The following FBXL18 variants were observed in gnomAD, a reference collection of about 807,000 sequenced individuals.
FBXL18 encodes the protein F-box and leucine rich repeat protein 18, also known as F-box/LRR-repeat protein 18.
FBXL18 carries 36 observed loss-of-function variants against 46.0 expected under a neutral mutation model. The ratio of observed to expected loss-of-function variants is 0.78; its 90% CI spans 0.60 to 1.03. The LOEUF (loss-of-function observed/expected upper bound fraction) is 1.03, where lower values mean the gene tolerates loss of function less well. Ranked by LOEUF, FBXL18 falls within the 50% of genes least tolerant of loss-of-function variation. The pLI, the probability that FBXL18 is intolerant of heterozygous loss-of-function variation, is 0.00. For missense variants in FBXL18, 977 were observed against 1,004.1 expected, an observed-to-expected ratio of 0.97 and a Z score of 0.36; for synonymous variants, 557 against 465.3, an observed-to-expected ratio of 1.20 and a Z score of -2.54.
chr7:5,491,929 G>A lies in FBXL18; in HGVS notation c.1782-480C>T, dbSNP rs574695329. ...GGGCGGTAATCCGGGAGGCTGGTGT[G>A]GGGGAGGGAGAGGGCGAGAATCTGG... On this transcript the variant is annotated intron_variant, in intron 3 of 4. Transcript: ENST00000382368. Among the ~76,000 whole-genome samples the A allele has an allele frequency of 4.7e-4, 72 of 152,102 alleles. 1 individual carries two copies. Among genetic ancestry groups the A allele is most frequent in the African/African-American group, 1.6e-3 (67 of 41,498 alleles).
chr7:5,463,476 G>A (rs1332085304), intron 4 of FBXL18, among the ~76,000 whole-genome samples: 1 of 151,242 alleles, frequency 6.6e-6, no homozygotes, highest in Non-Finnish European at 1.5e-5. Context: ...AAAATTAGAT[G>A]GGTGTGGTGG....
downstream of FBXL18, among the ~76,000 whole-genome samples, chr7:5,472,106 G>A (rs1783436450): frequency 6.6e-6 from 1 of 152,102 alleles, no homozygotes; most frequent in African/African-American, 2.4e-5. Context: ...AATGAAGCAG[G>A]AGCATCAGCT....
chr7:5,493,891 T>C (rs1413471925), intron 3 of FBXL18, among the ~76,000 whole-genome samples: 1 of 151,938 alleles, frequency 6.6e-6, no homozygotes, highest in Non-Finnish European at 1.5e-5. Context: ...CCCAGCACCT[T>C]GGGAGGCTGA....
chr7:5,484,946 T>C (rs1439441157), intron 4 of FBXL18, among the ~76,000 whole-genome samples: 1 of 151,988 alleles, frequency 6.6e-6, no homozygotes, highest in Non-Finnish European at 1.5e-5. Flanking sequence ...GCCATTATTT[T>C]TTATTTTTTA....
intron 2 of FBXL18, among the ~76,000 whole-genome samples, chr7:5,503,960 T>A (rs1238505267): frequency 6.9e-6 from 1 of 144,086 alleles, no homozygotes; most frequent in Non-Finnish European, 1.5e-5. Context: ...GAGTGAGACC[T>A]CGTTTCAAAA....
chr7:5,512,783 C>T (rs560908611), intron 1 of FBXL18, among the ~76,000 whole-genome samples: 10 of 152,026 alleles, frequency 6.6e-5, no homozygotes, highest in Non-Finnish European at 1.2e-4. Context: ...AATCAAGAAG[C>T]CACTGGGGTC....
chr7:5,512,297 TAAAA>T (rs71004681), intron 1 of FBXL18, among the ~76,000 whole-genome samples: 47 of 85,520 alleles, frequency 5.5e-4, no homozygotes, highest in African/African-American at 1.7e-3. Flanking sequence ...AAGTGTTATT[TAAAA>T]AAAAAAAAAA....
intron 4 of FBXL18, among the ~76,000 whole-genome samples, chr7:5,463,728 ATTTTTTTTTTTTTTTTTTTTTT>A (rs552002078): frequency 1.9e-5 from 1 of 53,010 alleles, no homozygotes; most frequent in African/African-American, 8.0e-5. Flanking sequence ...TTATTTATTT[ATTTTTTTTTTTTTTTTTTTTTT>A]TTTTTTTTGA....
At chr7:5,503,488 G>A (rs1054776765) in intron 2 of FBXL18, among the ~76,000 whole-genome samples, 1 of 151,970 alleles carries the variant, frequency 6.6e-6, no homozygotes, top group African/African-American at 2.4e-5. Context: ...TGAGTAGCTG[G>A]AACTACAGAC....
intron 4 of FBXL18, among the ~76,000 whole-genome samples, chr7:5,486,386 T>C (rs1783777577): frequency 6.6e-6 from 1 of 151,596 alleles, no homozygotes; most frequent in African/African-American, 2.4e-5. Flanking sequence ...GCCACTGCAC[T>C]CCAGCCTGGG....
intron 4 of FBXL18, among the ~76,000 whole-genome samples, chr7:5,470,771 C>A (rs1215039944): frequency 6.6e-6 from 1 of 151,964 alleles, no homozygotes; most frequent in Non-Finnish European, 1.5e-5. Context: ...GAGTGGCCCC[C>A]GGCACCTGTG....
rs1783600220 is a variant in FBXL18, at chr7:5,479,990, C to A, written c.*1785G>T. On this transcript the variant is annotated 3_prime_UTR_variant, in exon 5 of 5. Transcript: ENST00000382368. ...TGCCAGGTGGAGAGCTGGGAGGCAG[C>A]CTGCACAGGAGGGCTGTACCTCCCC... 6.6e-6 allele frequency among the ~76,000 whole-genome samples: 1 copy of A among 152,140 alleles called. No individual in the cohort carries two copies. The highest frequency in any genetic ancestry group is 2.1e-4 in the South Asian group (1 of 4,826).
intron 3 of FBXL18, among the ~76,000 whole-genome samples, chr7:5,492,994 A>G (rs916553442): frequency 1.3e-5 from 2 of 152,194 alleles, no homozygotes; most frequent in African/African-American, 4.8e-5. Context: ...CAGCCACAGC[A>G]GAAGGCGCCA....
At position 5,479,316 on chromosome 7, in the gene FBXL18, G is replaced by C. The variant is rs1028979543; in HGVS notation, c.*2459C>G. The C allele has an allele frequency of 6.6e-6, 1 of 152,222 alleles. No individual in the cohort carries two copies. Among genetic ancestry groups the C allele is most frequent in the Admixed American group, 6.5e-5 (1 of 15,278 alleles). 9.4% of individuals were successfully genotyped at this position (152,222 alleles called of 1,614,324 possible). On this transcript the variant is annotated 3_prime_UTR_variant, in exon 5 of 5. Coordinates refer to ENST00000382368, the MANE Select transcript of FBXL18 (RefSeq NM_024963.6). Reference sequence around the variant, plus strand: ...CGTACACACGCTAGGATGCATTCCTGGAGCAGACGCAATTCTCTAGCCCGA... The same window carrying C: ...CGTACACACGCTAGGATGCATTCCTCGAGCAGACGCAATTCTCTAGCCCGA...
rs1422969568 is a variant in FBXL18 at position 5,477,643 on chromosome 7, A to T, written c.*4132T>A. The T allele has an allele frequency of 6.6e-6, 1 of 150,490 alleles. No individual in the cohort carries two copies. Among genetic ancestry groups the T allele is most frequent in the Non-Finnish European group, 1.5e-5 (1 of 67,698 alleles). The allele number at this position is 150,490 out of a possible 1,614,324, so 9.3% of individuals were successfully genotyped here. A position where few individuals can be genotyped will look rare whatever the true frequency, so the allele number is the denominator to read the frequency against. On this transcript the variant is annotated 3_prime_UTR_variant, in exon 5 of 5. Transcript: ENST00000382368. This position sits in a 1 kb window ranked among gnomAD's most constrained non-coding sequence, Gnocchi z 4.4. ...CTTGAACCTGTGAGGTGGAGGTTGT[A>T]GTGAGTGAGCTGAGATCGTGCCACT...
At chr7:5,506,175 G>A (rs1235161573) in intron 1 of FBXL18, among the ~76,000 whole-genome samples, 1 of 152,136 alleles carries the variant, frequency 6.6e-6, no homozygotes, top group Non-Finnish European at 1.5e-5. Context: ...TGCCCAGGCT[G>A]GTCTTGAACT....
intron 4 of FBXL18, among the ~76,000 whole-genome samples, chr7:5,460,016 T>C (rs189970363): frequency 1.8e-4 from 28 of 152,134 alleles, no homozygotes; most frequent in African/African-American, 6.7e-4. Flanking sequence ...TCCCAACACT[T>C]TGGGAGGCTG....
At chr7:5,491,820 G>A (rs1235227339) in intron 3 of FBXL18, among the ~76,000 whole-genome samples, 1 of 152,202 alleles carries the variant, frequency 6.6e-6, no homozygotes, top group Non-Finnish European at 1.5e-5. Context: ...GGCAGCGGAT[G>A]CAAAGAGGAC....
chr7:5,457,880 G>A (rs528778041), intron 4 of FBXL18, among the ~76,000 whole-genome samples: 13 of 152,294 alleles, frequency 8.5e-5, no homozygotes, highest in African/African-American at 2.6e-4. Context: ...CTGCCTCGCC[G>A]GGGAAAGGAA....
Sources: gnomAD v4.1 joint callset for allele counts (sites outside exome capture counted in the v4.1 genomes callset) on GRCh38, gnomAD v4.1.1 for gene constraint, Gnocchi (gnomAD v3.1) non-coding constraint, MANE v1.5 for transcripts, NCBI Gene and HGNC (gene_info 2026-07-23, HGNC 2026-07-21) for gene names.